The following COL4A2 variants were observed in gnomAD, a reference collection of about 807,000 sequenced individuals.
COL4A2 encodes the protein collagen alpha-2(IV) chain.
Under a neutral mutation model 200.2 loss-of-function variants are expected in COL4A2, and 99 were observed. That is an observed-to-expected ratio of 0.49 (90% CI 0.42 to 0.58). The LOEUF is 0.58. Ranked by LOEUF, COL4A2 falls within the 20% of genes least tolerant of loss-of-function variation. COL4A2 has a pLI of 0.00. For missense variants in COL4A2, 1,950 were observed against 2,314.1 expected (o/e 0.84, Z 3.23); for synonymous variants, 897 against 900.6 (o/e 1.00, Z 0.07).
At chr13:110,499,023 G>A (rs936349282) in intron 40 of COL4A2, among the ~76,000 whole-genome samples, 1 of 152,230 alleles carries the variant, frequency 6.6e-6, no homozygotes, top group African/African-American at 2.4e-5. Context: ...CAGTGCCATT[G>A]GGCCTTGGCA....
At chr13:110,354,901 G>C (rs1182605030) in intron 3 of COL4A2, among the ~76,000 whole-genome samples, 2 of 152,224 alleles carry the variant, frequency 1.3e-5, no homozygotes, top group Non-Finnish European at 2.9e-5. Context: ...CAGTGGCAGA[G>C]TGGGCCTGGC....
chr13:110,315,033 G>T (rs940313697), intron 3 of COL4A2, among the ~76,000 whole-genome samples: 11 of 152,246 alleles, frequency 7.2e-5, no homozygotes, highest in Non-Finnish European at 1.3e-4. Context: ...CTGTTGCCTT[G>T]CACAGTTGCC....
chr13:110,363,035 TC>T (rs1877585251), intron 4 of COL4A2, among the ~76,000 whole-genome samples: 1 of 152,332 alleles, frequency 6.6e-6, no homozygotes, highest in Admixed American at 6.5e-5. Context: ...ACTTGGGTAT[TC>T]CAGAAACTGG....
rs753109070 is a variant in COL4A2, at chr13:110,469,231, C to T, written c.2110C>T (p.Arg704Ter). The T allele has an allele frequency of 2.9e-5, 46 of 1,596,782 alleles. No individual in the cohort carries two copies. The highest frequency in any genetic ancestry group is 3.6e-5 in the Non-Finnish European group (42 of 1,171,552). The change falls in exon 28 of 48, where the codon CGA (arginine) becomes TGA (stop). Residue 704 changes from arginine (R) to a stop codon, truncating the protein, a stop_gained. Coordinates refer to ENST00000360467, the MANE Select transcript of COL4A2 (RefSeq NM_001846.4). LOFTEE classifies it high-confidence loss of function. ...TGGTTATTTAGGTGCCAAAGGCCTC[C>T]GAGGAATCCCAGGCTTCGCAGGAGC... ...PPGPTGAKGL[R>*]GIPGFAGADG...
At chr13:110,360,407 G>C (rs1173025979) in intron 4 of COL4A2, among the ~76,000 whole-genome samples, 1 of 152,170 alleles carries the variant, frequency 6.6e-6, no homozygotes, top group Non-Finnish European at 1.5e-5. Context: ...AGCTAGTTCA[G>C]ATTATTTCAG....
chr13:110,462,751 A>G (rs1229184085), intron 24 of COL4A2, among the ~76,000 whole-genome samples: 1 of 152,152 alleles, frequency 6.6e-6, no homozygotes, highest in Non-Finnish European at 1.5e-5. Flanking sequence ...CAACAAACAC[A>G]CACTGGTGTT....
At position 110,430,567 on chromosome 13, in the gene COL4A2, A is replaced by G. The variant is rs201716258; in HGVS notation, c.608A>G (p.His203Arg). The part of the protein sequence containing the change: ...GFQGPPGRPG[H>R]VGQMGPVGAP... ...TAGGGACCTCCCGGCCGCCCTGGGC[A>G]TGTGGGACAGATGGGTCCAGTTGGA... The change falls in exon 10 of 48, where the codon CAT becomes CGT. Residue 203 changes from histidine to arginine, a missense_variant. Around this residue, in one of 2 missense-constraint regions of COL4A2, gnomAD observed 565 missense variants for 593.5 expected, o/e 0.95. Transcript: ENST00000360467. 6.2e-7 allele frequency: 1 copy of G among 1,614,104 alleles called. No individual in the cohort carries two copies. The highest frequency in any genetic ancestry group is 8.5e-7 in the Non-Finnish European group (1 of 1,180,050).
intron 16 of COL4A2, among the ~76,000 whole-genome samples, chr13:110,445,182 A>G (rs1881274242): frequency 6.6e-6 from 1 of 152,196 alleles, no homozygotes. Context: ...AAAAAACTCT[A>G]ACTTAAGAAA....
intron 4 of COL4A2, among the ~76,000 whole-genome samples, chr13:110,377,029 G>A (rs191034839): frequency 1.3e-5 from 2 of 152,034 alleles, no homozygotes; most frequent in East Asian, 3.9e-4. Context: ...CTTATTAAGG[G>A]GAAAACTTTA....
rs767454771 is a variant in COL4A2 at position 110,466,031 on chromosome 13, T to C, written c.2007T>C (p.Val669=). Residue 669 remains valine (V), a synonymous_variant, in exon 26 of 48, where the codon GTT becomes GTC. Coordinates refer to ENST00000360467, the MANE Select transcript of COL4A2 (RefSeq NM_001846.4). ...GTGACACAGATGTGAAAAGGGCCGT[T>C]GGAGGTGACAGACAGGAGGCCATCC... is the stretch of plus-strand genomic sequence containing the variant. ...IDCDTDVKRA[V]GGDRQEAIQP... The C allele has an allele frequency of 6.2e-6, 10 of 1,613,856 alleles. No individual in the cohort carries two copies. Among genetic ancestry groups the C allele is most frequent in the East Asian group, 2.2e-5 (1 of 44,872 alleles).
At chr13:110,431,765 G>T (rs541463466) in intron 10 of COL4A2, among the ~76,000 whole-genome samples, 22 of 152,232 alleles carry the variant, frequency 1.4e-4, no homozygotes, top group African/African-American at 5.3e-4. Context: ...CCACTCCTTT[G>T]TATCCACTTA....
rs762557019 is a variant in COL4A2 at position 110,466,002 on chromosome 13, G to C, written c.1979-1G>C. ...ACTCTGTCCTTATGTCTTCCCCCCA[G>C]ATTGTGACACAGATGTGAAAAGGGC... On this transcript the variant is annotated splice_acceptor_variant, in intron 25 of 47. Coordinates refer to ENST00000360467, the MANE Select transcript of COL4A2 (RefSeq NM_001846.4). LOFTEE classifies it high-confidence loss of function. 1 of 1,613,782 alleles carries C rather than the reference G, an allele frequency of 6.2e-7. No homozygotes were observed. The highest frequency in any genetic ancestry group is 2.2e-5 in the East Asian group (1 of 44,864).
chr13:110,440,881 C>T (rs901592015), intron 16 of COL4A2, among the ~76,000 whole-genome samples: 10 of 152,160 alleles, frequency 6.6e-5, no homozygotes, highest in African/African-American at 1.2e-4. Flanking sequence ...ATGCATGTAA[C>T]GGAGCAACAA....
rs1176800831 is a variant in COL4A2, at chr13:110,469,953, C to G, written c.2203+629C>G. On this transcript the variant is annotated intron_variant, in intron 28 of 47. Coordinates refer to ENST00000360467, the MANE Select transcript of COL4A2 (RefSeq NM_001846.4). The stretch of plus-strand genomic sequence containing the variant: ...TTAATGAAATGGAATCTCGCTCTGT[C>G]ACCCAGGCTGGAGTGCAGTGGCACA... Among the ~76,000 whole-genome samples, 5 of 129,176 alleles carry G rather than the reference C, an allele frequency of 3.9e-5. No homozygotes were observed. In the East Asian group the frequency reaches 1.2e-3, roughly 30 times the overall value. The allele number at this position is 129,176 out of a possible 152,430, so 84.7% of individuals were successfully genotyped here.
chr13:110,404,887 T>C (rs1879505451), intron 4 of COL4A2, among the ~76,000 whole-genome samples: 3 of 152,146 alleles, frequency 2.0e-5, no homozygotes, highest in Non-Finnish European at 4.4e-5. Flanking sequence ...ATGCCAGCAC[T>C]TTGGGAGGCT....
In COL4A2 at chr13:110,489,528, T is replaced by C. The variant is rs563837461; in HGVS notation, c.3271+20T>C. On this transcript the variant is annotated intron_variant, in intron 35 of 47. Coordinates refer to ENST00000360467, the MANE Select transcript of COL4A2 (RefSeq NM_001846.4). The stretch of plus-strand genomic sequence containing the variant: ...ATTTCGGTGAGTGTTGCCCGTCCAG[T>C]GAAAACAGGGAGTCCACAATTCAGA... 4 of 1,613,960 alleles carry C rather than the reference T, an allele frequency of 2.5e-6. No individual in the cohort carries two copies. The South Asian group carries it at 3.3e-5, about 13-fold the overall frequency.
At chr13:110,475,180 T>G (rs1882663173) in intron 29 of COL4A2, among the ~76,000 whole-genome samples, 1 of 152,250 alleles carries the variant, frequency 6.6e-6, no homozygotes, top group South Asian at 2.1e-4. Context: ...GGCCTCGTGC[T>G]CGGCCATCCA....
At chr13:110,397,126 C>T (rs1166354874) in intron 4 of COL4A2, among the ~76,000 whole-genome samples, 2 of 152,200 alleles carry the variant, frequency 1.3e-5, no homozygotes, top group African/African-American at 2.4e-5. Context: ...ATCACATGAC[C>T]GTCGGAGAGT....
At chr13:110,390,377 C>G (rs960110628) in intron 4 of COL4A2, among the ~76,000 whole-genome samples, 1 of 152,214 alleles carries the variant, frequency 6.6e-6, no homozygotes, top group East Asian at 1.9e-4. Context: ...ACGCAGTGAC[C>G]CTGCACAGGG....
Sources: gnomAD v4.1 joint callset for allele counts (sites outside exome capture counted in the v4.1 genomes callset) on GRCh38, gnomAD v4.1.1 for gene constraint, gnomAD v4.1.1 regional missense constraint, MANE v1.5 for transcripts, NCBI Gene and HGNC (gene_info 2026-07-23, HGNC 2026-07-21) for gene names.